The following EXOC6B variants were observed in gnomAD, a reference collection of about 807,000 sequenced individuals.
The protein encoded by EXOC6B is SEC15 homolog B.
EXOC6B carries 54 observed loss-of-function variants against 113.5 expected under a neutral mutation model. The ratio of observed to expected loss-of-function variants is 0.48; its 90% CI spans 0.38 to 0.60. EXOC6B has a LOEUF of 0.60. Among genes scored for constraint, EXOC6B ranks in the 20% least tolerant of loss-of-function variants. EXOC6B has a pLI of 0.00. For synonymous variants in EXOC6B, 357 were observed against 339.0 expected (o/e 1.05, Z -0.58); for missense variants, 797 against 977.5 (o/e 0.82, Z 2.46).
intron 6 of EXOC6B, among the ~76,000 whole-genome samples, chr2:72,687,905 A>G: frequency 6.6e-6 from 1 of 152,294 alleles, no homozygotes; most frequent in South Asian, 2.1e-4. Flanking sequence ...GTGCATGCTG[A>G]TATCCCCAAT....
chr2:72,305,473 G>A (rs1211946617), intron 20 of EXOC6B, among the ~76,000 whole-genome samples: 1 of 152,000 alleles, frequency 6.6e-6, no homozygotes, highest in Non-Finnish European at 1.5e-5. Flanking sequence ...TTGTCTTCAT[G>A]CAAAGGTAAT....
intron 6 of EXOC6B, among the ~76,000 whole-genome samples, chr2:72,643,527 A>G (rs1481032282): frequency 6.8e-6 from 1 of 147,696 alleles, no homozygotes; most frequent in East Asian, 2.0e-4. Flanking sequence ...AAAACCAAAC[A>G]CCGCATATTC....
At chr2:72,278,839 T>C (rs1333253419) in intron 20 of EXOC6B, among the ~76,000 whole-genome samples, 1 of 152,128 alleles carries the variant, frequency 6.6e-6, no homozygotes, top group African/African-American at 2.4e-5. Flanking sequence ...ACAAAAGAAA[T>C]GTATCGACTT....
intron 6 of EXOC6B, among the ~76,000 whole-genome samples, chr2:72,664,482 C>A (rs111524183): frequency 6.6e-6 from 1 of 152,200 alleles, no homozygotes; most frequent in South Asian, 2.1e-4. Flanking sequence ...ATCCCATGAC[C>A]CCCCACAGAC....
rs112251018 is a variant in EXOC6B, at chr2:72,664,622, C to T, written c.669+53481G>A. ...GGCCATAGGCGCTCACCCTTCAAGGCGATCCATCTTCTTGTGAGTAGCTCT... is the reference window on the plus strand; with the variant it reads ...GGCCATAGGCGCTCACCCTTCAAGGTGATCCATCTTCTTGTGAGTAGCTCT... On this transcript the variant is annotated intron_variant, in intron 6 of 21. Coordinates refer to ENST00000272427, the MANE Select transcript of EXOC6B (RefSeq NM_015189.3). Among the ~76,000 whole-genome samples, 24 of 152,294 alleles carry T rather than the reference C, an allele frequency of 1.6e-4. 2 individuals are homozygous for T. Among genetic ancestry groups the T allele is most frequent in the African/African-American group, 4.6e-4 (19 of 41,570 alleles).
At chr2:72,602,165 G>A (rs972359544) in intron 6 of EXOC6B, among the ~76,000 whole-genome samples, 1 of 152,146 alleles carries the variant, frequency 6.6e-6, no homozygotes, top group South Asian at 2.1e-4. Context: ...AACATGAGAA[G>A]TTTGAAATAG....
intron 6 of EXOC6B, among the ~76,000 whole-genome samples, chr2:72,642,924 A>C (rs1673375335): frequency 6.7e-6 from 1 of 148,952 alleles, no homozygotes; most frequent in Non-Finnish European, 1.5e-5. Flanking sequence ...ACAAGAAAAA[A>C]ACAAACAACC....
At chr2:72,505,349 C>A (rs376879556) in intron 11 of EXOC6B, among the ~76,000 whole-genome samples, 8 of 152,126 alleles carry the variant, frequency 5.3e-5, no homozygotes, top group South Asian at 2.1e-4. Context: ...CCTATGCCAC[C>A]GACCTCCTAT....
At chr2:72,329,920 T>C (rs1195310970) in intron 20 of EXOC6B, among the ~76,000 whole-genome samples, 1 of 152,096 alleles carries the variant, frequency 6.6e-6, no homozygotes, top group East Asian at 1.9e-4. Context: ...GTGTTTACTT[T>C]AGATTGTAGG....
chr2:72,750,968 G>A (rs1174954247), intron 1 of EXOC6B, among the ~76,000 whole-genome samples: 1 of 151,792 alleles, frequency 6.6e-6, no homozygotes, highest in Non-Finnish European at 1.5e-5. Context: ...AGCAAAATCA[G>A]GCTTGCAATG....
chr2:72,246,875 TG>T (rs1260814074), intron 20 of EXOC6B, among the ~76,000 whole-genome samples: 6 of 152,236 alleles, frequency 3.9e-5, no homozygotes, highest in African/African-American at 1.2e-4. Flanking sequence ...AATATTTCTC[TG>T]AGATCATTTT....
At chr2:72,600,258 T>C (rs1670330868) in intron 6 of EXOC6B, among the ~76,000 whole-genome samples, 1 of 151,860 alleles carries the variant, frequency 6.6e-6, no homozygotes, top group African/African-American at 2.4e-5. Flanking sequence ...TTGGGCAATA[T>C]AGTGAGACCC....
chr2:72,679,113 C>T lies in EXOC6B; in HGVS notation c.669+38990G>A, dbSNP rs372030520. On this transcript the variant is annotated intron_variant, in intron 6 of 21. Transcript: ENST00000272427. ...ACAGAGTCTGATTCTGTCACTCAGG[C>T]TGGATAGTAATGGCGTGATCTCGGC... 3.3e-5 allele frequency among the ~76,000 whole-genome samples: 5 copies of T among 151,980 alleles called. No homozygotes were observed. The East Asian group carries it at 5.8e-4, about 18-fold the overall frequency.
Position 72,374,684 on chromosome 2 carries a change from G to A in EXOC6B, c.2122+5045C>T, listed in dbSNP as rs561748386. Among the ~76,000 whole-genome samples, 41 of 151,686 alleles carry A rather than the reference G, an allele frequency of 2.7e-4. 1 individual carries two copies. Among genetic ancestry groups the A allele is most frequent in the Admixed American group, 8.6e-4 (13 of 15,146 alleles). ...ATGGTACATTTTAAAATAACTAAGA[G>A]TATGATTAGATTGTAACACAAATGA... On this transcript the variant is annotated intron_variant, in intron 19 of 21. Coordinates refer to ENST00000272427, the MANE Select transcript of EXOC6B (RefSeq NM_015189.3).
chr2:72,405,676 C>A (rs1300929368), intron 18 of EXOC6B, among the ~76,000 whole-genome samples: 1 of 152,140 alleles, frequency 6.6e-6, no homozygotes, highest in Non-Finnish European at 1.5e-5. Context: ...ACCACCAGGC[C>A]TGCCCTACAA....
intron 20 of EXOC6B, among the ~76,000 whole-genome samples, chr2:72,266,670 G>A (rs1684109235): frequency 6.6e-6 from 1 of 152,170 alleles, no homozygotes; most frequent in South Asian, 2.1e-4. Context: ...TTGTAGTATG[G>A]TTTGAAGTCA....
chr2:72,299,015 A>G (rs866893269), intron 20 of EXOC6B, among the ~76,000 whole-genome samples: 13 of 151,920 alleles, frequency 8.6e-5, no homozygotes, highest in African/African-American at 2.7e-4. Flanking sequence ...TATTTCCTGA[A>G]TTTGAATGTT....
In EXOC6B at chr2:72,544,902, A is replaced by G. The variant is rs151068663; in HGVS notation, c.915+14551T>C. Among the ~76,000 whole-genome samples, 811 of 152,096 alleles carry G rather than the reference A, an allele frequency of 5.3e-3. 9 individuals carry two copies. Among genetic ancestry groups the G allele is most frequent in the African/African-American group, 0.019 (775 of 41,544 alleles). On this transcript the variant is annotated intron_variant, in intron 8 of 21. Coordinates refer to ENST00000272427, the MANE Select transcript of EXOC6B (RefSeq NM_015189.3). ...TACAAAGAAAGAAACTTATTCACAA[A>G]CCCTAAGCACCTAGAATTTTGCATT...
At chr2:72,211,422 C>T (rs1414646601) in intron 20 of EXOC6B, among the ~76,000 whole-genome samples, 2 of 152,144 alleles carry the variant, frequency 1.3e-5, no homozygotes, top group Admixed American at 1.3e-4. Flanking sequence ...TGGGAGAAGT[C>T]TGGTATAAGC....
Sources: allele counts gnomAD v4.1 joint callset (sites outside exome capture counted in the v4.1 genomes callset), GRCh38; gene constraint gnomAD v4.1.1; transcripts MANE v1.5; gene names NCBI Gene and HGNC (gene_info 2026-07-23, HGNC 2026-07-21).